NF1: variants seen among roughly 807,000 people sequenced by gnomAD.
The protein encoded by NF1 is neurofibromin 1.
In NF1, 122 loss-of-function variants were observed where a neutral mutation model predicts 325.7. The ratio of observed to expected loss-of-function variants is 0.37; its 90% CI spans 0.32 to 0.44. The LOEUF (loss-of-function observed/expected upper bound fraction) is 0.44. Ranked by LOEUF, NF1 falls within the 20% of genes least tolerant of loss-of-function variation. NF1 has a pLI of 1.00. For synonymous variants in NF1, 1,091 were observed against 1,186.0 expected (o/e 0.92, Z 1.65); for missense variants, 2,140 against 3,415.4 (o/e 0.63, Z 9.31).
At chr17:31,213,757 C>A (rs1410205902) in intron 12 of NF1, among the ~76,000 whole-genome samples, 12 of 152,080 alleles carry the variant, frequency 7.9e-5, no homozygotes, top group Admixed American at 7.9e-4. Flanking sequence ...TGAGTTCTTT[C>A]TGTTTTACAA....
Position 31,211,877 on chromosome 17 carries a change from T to A in NF1, c.1393-2574T>A, listed in dbSNP as rs550724291. 3.3e-5 allele frequency among the ~76,000 whole-genome samples: 5 copies of A among 152,342 alleles called. No individual in the cohort carries two copies. The East Asian group carries it at 5.8e-4, about 18-fold the overall frequency. On this transcript the variant is annotated intron_variant, in intron 12 of 57. Transcript: ENST00000358273. ...CACTACTGTAGACTTAAAATTTTTT[T>A]AAATTTATTTTACTTTTAATACTTT...
rs1426744258 is a variant in NF1 at position 31,176,951 on chromosome 17, T to C, written c.587-4471T>C. ...AGTCAGGTAGTGTGATTCCTCCAGC[T>C]TTGTTCTTTTTGCTTAGGATTGTCG... On this transcript the variant is annotated intron_variant, in intron 5 of 57. Coordinates refer to ENST00000358273, the MANE Select transcript of NF1 (RefSeq NM_001042492.3). 2.0e-5 allele frequency among the ~76,000 whole-genome samples: 3 copies of C among 152,208 alleles called. No homozygotes were observed. The East Asian group carries it at 5.8e-4, about 29-fold the overall frequency.
chr17:31,147,429 T>C (rs1485824829), intron 1 of NF1, among the ~76,000 whole-genome samples: 1 of 152,236 alleles, frequency 6.6e-6, no homozygotes, highest in African/African-American at 2.4e-5. Flanking sequence ...ACTATACCAG[T>C]TTTTAAAAAC....
chr17:31,140,815 G>C (rs1247612603), intron 1 of NF1, among the ~76,000 whole-genome samples: 1 of 152,178 alleles, frequency 6.6e-6, no homozygotes, highest in Non-Finnish European at 1.5e-5. Context: ...CCACAACTTG[G>C]TTGGACCTTA....
intron 3 of NF1, 57 bp from the exon 4 acceptor site, chr17:31,163,129 A>G: frequency 6.4e-7 from 1 of 1,563,256 alleles, no homozygotes; most frequent in South Asian, 1.1e-5. Context: ...TTTTCATAAT[A>G]GAAAATGTTT....
At chr17:31,234,603 G>C (rs2067168278) in intron 27 of NF1, among the ~76,000 whole-genome samples, 1 of 142,732 alleles carries the variant, frequency 7.0e-6, no homozygotes, top group Non-Finnish European at 1.5e-5. Flanking sequence ...GTGAACCCAG[G>C]AGGGTTGCAG....
intron 36 of NF1, among the ~76,000 whole-genome samples, chr17:31,266,569 T>C (rs1223666553): frequency 6.6e-6 from 1 of 152,216 alleles, no homozygotes; most frequent in Non-Finnish European, 1.5e-5. Context: ...ATGAACCATA[T>C]TTGTATTCTA....
chr17:31,371,017 G>GA (rs1311321626), intron 57 of NF1, among the ~76,000 whole-genome samples: 2,686 of 148,628 alleles, frequency 0.018, 38 homozygotes, highest in Middle Eastern at 0.055. Context: ...ATGCCAAAGG[G>GA]AAAAAAAAAA....
chr17:31,324,936 C>T (rs1263918460), intron 36 of NF1, among the ~76,000 whole-genome samples: 4 of 152,202 alleles, frequency 2.6e-5, no homozygotes, highest in Non-Finnish European at 5.9e-5. Context: ...AGTATTATCA[C>T]CAGAATCATC....
At chr17:31,311,696 A>G (rs762912562) in intron 36 of NF1, among the ~76,000 whole-genome samples, 31 of 152,212 alleles carry the variant, frequency 2.0e-4, no homozygotes, top group Non-Finnish European at 8.8e-5. Flanking sequence ...TCCTACAGAT[A>G]AGGAAACTGA....
intron 36 of NF1, chr17:31,273,610 A>G (rs2067945872): frequency 6.6e-6 from 1 of 152,218 alleles, no homozygotes; most frequent in Non-Finnish European, 1.5e-5. Flanking sequence ...GTAAGAATTC[A>G]GTCTTTCTCC....
At chr17:31,322,297 T>A (rs1209105935) in intron 36 of NF1, among the ~76,000 whole-genome samples, 1 of 151,704 alleles carries the variant, frequency 6.6e-6, no homozygotes, top group Admixed American at 6.6e-5. Context: ...CTGGCCAACA[T>A]AGAGAAAACC....
intron 36 of NF1, among the ~76,000 whole-genome samples, chr17:31,277,776 C>T (rs1425162757): frequency 5.9e-5 from 9 of 152,198 alleles, no homozygotes; most frequent in Non-Finnish European, 1.2e-4. Flanking sequence ...CTCCACACAA[C>T]CTACTCTGTG....
intron 27 of NF1, among the ~76,000 whole-genome samples, chr17:31,233,511 A>G (rs2067150168): frequency 1.3e-5 from 2 of 152,258 alleles, no homozygotes; most frequent in Middle Eastern, 3.4e-3. Context: ...AATTTTAGTT[A>G]GTTGTTGCAA....
chr17:31,254,861 C>G (rs189833603), intron 31 of NF1, among the ~76,000 whole-genome samples: 3 of 151,820 alleles, frequency 2.0e-5, no homozygotes, highest in Non-Finnish European at 4.4e-5. Context: ...ATTGGTAATT[C>G]GAGATATTTT....
intron 1 of NF1, among the ~76,000 whole-genome samples, chr17:31,098,983 C>A (rs920168935): frequency 1.4e-5 from 2 of 141,906 alleles, no homozygotes; most frequent in African/African-American, 2.6e-5. Context: ...GTTTATAAAA[C>A]TTTTGAATTT....
chr17:31,365,303 A>G (rs574178892), intron 57 of NF1, among the ~76,000 whole-genome samples: 47 of 144,468 alleles, frequency 3.3e-4, no homozygotes, highest in Non-Finnish European at 5.3e-4. Flanking sequence ...AAAAAGAAGG[A>G]AAGAAAGAAA....
chr17:31,365,278 C>CAAAAAAAAAAAAAAA (rs67659795), intron 57 of NF1, among the ~76,000 whole-genome samples: 2 of 101,064 alleles, frequency 2.0e-5, no homozygotes, highest in African/African-American at 1.1e-4. Flanking sequence ...GAACCTATCT[C>CAAAAAAAAAAAAAAA]AAAAAAAAAA....
chr17:31,110,684 A>G (rs141240702), intron 1 of NF1, among the ~76,000 whole-genome samples: 101 of 152,272 alleles, frequency 6.6e-4, no homozygotes, highest in Non-Finnish European at 1.3e-3. Flanking sequence ...TAAAATAACT[A>G]TAATATACTT....
Sources: allele counts gnomAD v4.1 joint callset (sites outside exome capture counted in the v4.1 genomes callset), GRCh38; gene constraint gnomAD v4.1.1; transcripts MANE v1.5; gene names NCBI Gene and HGNC (gene_info 2026-07-23, HGNC 2026-07-21).